The following SENP7 variants were observed in gnomAD, a reference collection of about 807,000 sequenced individuals.
SENP7 encodes sentrin-specific protease 7.
SENP7 carries 64 observed loss-of-function variants against 141.2 expected under a neutral mutation model. The ratio of observed to expected loss-of-function variants is 0.45; its 90% CI spans 0.37 to 0.56. The LOEUF (loss-of-function observed/expected upper bound fraction) is 0.56, where lower values mean the gene tolerates loss of function less well. Among genes scored for constraint, SENP7 ranks in the 20% least tolerant of loss-of-function variants. SENP7 has a pLI of 0.00. For synonymous variants in SENP7, 382 were observed against 426.4 expected, an observed-to-expected ratio of 0.90 and a Z score of 1.28; for missense variants, 1,025 against 1,212.2, an observed-to-expected ratio of 0.85 and a Z score of 2.29.
chr3:101,375,621 T>C (rs1208104616), intron 6 of SENP7, among the ~76,000 whole-genome samples: 1 of 147,120 alleles, frequency 6.8e-6, no homozygotes, highest in Admixed American at 6.7e-5. Context: ...CCTAGGTATA[T>C]ACCCAAAGGA....
At chr3:101,378,593 G>A (rs568369973) in intron 6 of SENP7, among the ~76,000 whole-genome samples, 18 of 152,116 alleles carry the variant, frequency 1.2e-4, no homozygotes, top group Non-Finnish European at 2.4e-4. Flanking sequence ...TAGGCATAAT[G>A]GGAATATCAT....
At chr3:101,471,674 C>A (rs1311560185) in intron 3 of SENP7, among the ~76,000 whole-genome samples, 1 of 152,150 alleles carries the variant, frequency 6.6e-6, no homozygotes, top group East Asian at 1.9e-4. Context: ...AACTAAAGAG[C>A]CTCTGCATGG....
At chr3:101,370,450 T>C (rs916564844) in intron 7 of SENP7, among the ~76,000 whole-genome samples, 7 of 152,140 alleles carry the variant, frequency 4.6e-5, no homozygotes, top group African/African-American at 1.7e-4. Context: ...CCAAACTCCA[T>C]GGATCCATAA....
chr3:101,396,771 G>C (rs539050702), intron 6 of SENP7, among the ~76,000 whole-genome samples: 1 of 152,164 alleles, frequency 6.6e-6, no homozygotes, highest in Non-Finnish European at 1.5e-5. Context: ...AGGAGCTCAT[G>C]GTATAGCAGA....
In SENP7 at chr3:101,366,416, C is replaced by A; in HGVS notation, c.1318+14G>T. 1 of 1,501,538 alleles carries A rather than the reference C, an allele frequency of 6.7e-7. No homozygotes were observed. Among genetic ancestry groups the A allele is most frequent in the Non-Finnish European group, 9.0e-7 (1 of 1,107,204 alleles). 93.0% of individuals were successfully genotyped at this position (1,501,538 alleles called of 1,614,324 possible). A position where few individuals can be genotyped will look rare whatever the true frequency, so the allele number is the denominator to read the frequency against. On this transcript the variant is annotated intron_variant, in intron 9 of 23. Transcript: ENST00000394095. The stretch of plus-strand genomic sequence containing the variant: ...GAGGAAATTAAGTAACTTTATAATC[C>A]TCCTGTCACTTACTTGGTTCAGCTG...
rs1264157654 is a variant in SENP7 at position 101,332,821 on chromosome 3, C to T, written c.2522G>A (p.Arg841His). ...RRHKRVRTWT[R>H]HINIFNKDYI... is the part of the protein sequence containing the mutation. ...ATCTTTATTAAAAATGTTTATGTGA[C>T]GAGTCCATGTTCTTACTCTTTTATG... Residue 841 changes from arginine to histidine, a missense_variant, in exon 18 of 24, where the codon CGT becomes CAT. Physicochemically the swap from Arg to His is conservative, Grantham distance 29 (BLOSUM62 0). Around this residue, in one of 4 missense-constraint regions of SENP7, gnomAD observed 295 missense variants for 459.1 expected, o/e 0.64. Coordinates refer to ENST00000394095, the MANE Select transcript of SENP7 (RefSeq NM_020654.5). 3.8e-6 allele frequency: 6 copies of T among 1,568,272 alleles called. No individual in the cohort carries two copies. The highest frequency in any genetic ancestry group is 4.3e-6 in the Non-Finnish European group (5 of 1,161,896).
At chr3:101,357,290 C>T (rs539657771) in intron 11 of SENP7, 25 of 572,880 alleles carry the variant, frequency 4.4e-5, no homozygotes, top group South Asian at 3.1e-4. Context: ...CGTGAGCCAC[C>T]GCGAGGAGTG....
Position 101,366,468 on chromosome 3 carries a change from T to C in SENP7, c.1280A>G (p.His427Arg), listed in dbSNP as rs72940349. The C allele has an allele frequency of 5.0e-6, 8 of 1,612,340 alleles. No homozygotes were observed. Among genetic ancestry groups the C allele is most frequent in the Middle Eastern group, 3.3e-4 (2 of 6,054 alleles). ...NTIEKPILRG[H>R]NEGNQSLISA... ...GATCAGTGATTGGTTCCCTTCATTA[T>C]GTCCTCTTAGAATAGGCTTTTCTAT... The change falls in exon 9 of 24, where the codon CAT becomes CGT. Residue 427 changes from histidine to arginine, a missense_variant. By Grantham distance (29) the His-to-Arg change is conservative (BLOSUM62 0). Around this residue, in one of 4 missense-constraint regions of SENP7, gnomAD observed 496 missense variants for 503.5 expected, o/e 0.99. Transcript: ENST00000394095.
intron 2 of SENP7, among the ~76,000 whole-genome samples, chr3:101,495,691 C>T (rs2065134251): frequency 6.6e-6 from 1 of 152,122 alleles, no homozygotes; most frequent in African/African-American, 2.4e-5. Context: ...TAAGTGGGAG[C>T]TGAATGATGA....
chr3:101,421,764 T>G (rs963445123), intron 4 of SENP7, among the ~76,000 whole-genome samples: 4 of 152,124 alleles, frequency 2.6e-5, no homozygotes, highest in African/African-American at 9.7e-5. Flanking sequence ...ACTAGTAAGG[T>G]GAAAAAATTC....
At chr3:101,348,117 A>C in intron 12 of SENP7, 66 bp from the exon 13 acceptor site, 1 of 1,098,782 alleles carries the variant, frequency 9.1e-7, no homozygotes, top group Non-Finnish European at 1.3e-6. Flanking sequence ...CTTAAACATT[A>C]TATGACACTT....
At chr3:101,459,119 C>T (rs1327545990) in intron 3 of SENP7, 67 bp from the exon 4 acceptor site, 1 of 868,902 alleles carries the variant, frequency 1.2e-6, no homozygotes, top group Non-Finnish European at 1.8e-6. Flanking sequence ...TTAAACTGTT[C>T]TTTTTTATTT....
chr3:101,327,367 C>T (rs918559394), intron 23 of SENP7, among the ~76,000 whole-genome samples: 4 of 152,022 alleles, frequency 2.6e-5, no homozygotes, highest in Non-Finnish European at 4.4e-5. Flanking sequence ...CTGATAGTAA[C>T]TTCTCATGAG....
At chr3:101,370,268 A>G (rs1251014322) in intron 7 of SENP7, among the ~76,000 whole-genome samples, 2 of 152,180 alleles carry the variant, frequency 1.3e-5, no homozygotes, top group African/African-American at 2.4e-5. Context: ...ATTCAAGTCA[A>G]TGTGAGGACT....
At chr3:101,437,962 T>C (rs539074698) in intron 4 of SENP7, among the ~76,000 whole-genome samples, 3 of 150,160 alleles carry the variant, frequency 2.0e-5, no homozygotes, top group African/African-American at 7.3e-5. Flanking sequence ...AGTGTTGATG[T>C]GGATGTGAAG....
At chr3:101,478,511 C>A (rs1318638438) in intron 3 of SENP7, among the ~76,000 whole-genome samples, 4 of 152,186 alleles carry the variant, frequency 2.6e-5, no homozygotes, top group East Asian at 3.9e-4. Context: ...GACAACAGAG[C>A]AAGACCCTGT....
rs773690221 is a variant in SENP7, at chr3:101,343,741, G to T, written c.2051C>A (p.Ser684Tyr). Residue 684 changes from serine (S) to tyrosine (Y), a missense_variant, in exon 14 of 24, where the codon TCT becomes TAT. This residue lies in a region of SENP7 where 295 missense variants were observed against 459.1 expected (regional missense o/e 0.64). Coordinates refer to ENST00000394095, the MANE Select transcript of SENP7 (RefSeq NM_020654.5). ...FIHYYCVSTCSFPAGVAVAEE... is the reference protein window; with the variant it reads ...FIHYYCVSTCYFPAGVAVAEE... ...AGCAACAGCAACACCAGCAGGGAAA[G>T]AACAAGTTGAAACACAGTAATAATG... 1 of 1,613,606 alleles carries T rather than the reference G, an allele frequency of 6.2e-7. No homozygotes were observed. The highest frequency in any genetic ancestry group is 1.7e-5 in the Admixed American group (1 of 59,996).
At position 101,493,924 on chromosome 3, in the gene SENP7, T is replaced by C. The variant is rs1446861900; in HGVS notation, c.135A>G (p.Gln45=). 1.9e-6 allele frequency: 3 copies of C among 1,610,830 alleles called. No homozygotes were observed. Among genetic ancestry groups the C allele is most frequent in the Non-Finnish European group, 2.5e-6 (3 of 1,177,744 alleles). ...LNAKPEDVHV[Q]SPLSKFRSSE... is the part of the protein sequence containing the mutation. ...AGCTTCTGAATTTGGACAGTGGTGA[T>C]TGAACATGGACATCCTCTGGTTTTG... Residue 45 remains glutamine (Q), a synonymous_variant, in exon 3 of 24, where the codon CAA becomes CAG. Coordinates refer to ENST00000394095, the MANE Select transcript of SENP7 (RefSeq NM_020654.5).
intron 4 of SENP7, among the ~76,000 whole-genome samples, chr3:101,452,336 A>T (rs1249194326): frequency 6.6e-6 from 1 of 152,228 alleles, no homozygotes; most frequent in Non-Finnish European, 1.5e-5. Flanking sequence ...GCTACCAATG[A>T]CTTTCTTTAC....
Sources: allele counts gnomAD v4.1 joint callset (sites outside exome capture counted in the v4.1 genomes callset), GRCh38; gene constraint gnomAD v4.1.1; regional missense constraint gnomAD v4.1.1; transcripts MANE v1.5; gene names NCBI Gene and HGNC (gene_info 2026-07-23, HGNC 2026-07-21).